FOXJ3: variants seen among roughly 807,000 people sequenced by gnomAD.
The protein encoded by FOXJ3 is forkhead box J3.
Under a neutral mutation model 76.1 loss-of-function variants are expected in FOXJ3, and 22 were observed. That is an observed-to-expected ratio of 0.29 (90% CI 0.21 to 0.41). The LOEUF is 0.41. Ranked by LOEUF, FOXJ3 falls within the 10% of genes least tolerant of loss-of-function variation. The pLI is 1.00. For synonymous variants in FOXJ3, 269 were observed against 261.2 expected (o/e 1.03, Z -0.29); for missense variants, 613 against 762.1 (o/e 0.80, Z 2.30).
At chr1:42,293,162 A>C (rs1348599335) in intron 2 of FOXJ3, among the ~76,000 whole-genome samples, 1 of 152,174 alleles carries the variant, frequency 6.6e-6, no homozygotes, top group Non-Finnish European at 1.5e-5. Context: ...CTCAGCTTGG[A>C]CATAAAAAGA....
intron 1 of FOXJ3, among the ~76,000 whole-genome samples, chr1:42,332,461 T>C (rs2124799995): frequency 6.6e-6 from 1 of 152,284 alleles, no homozygotes; most frequent in South Asian, 2.1e-4. Flanking sequence ...AGTAAGTAAA[T>C]GTTAGCTATT....
intron 6 of FOXJ3, among the ~76,000 whole-genome samples, 158 bp from the exon 7 acceptor site, chr1:42,199,388 G>A (rs1474274054): frequency 3.3e-5 from 5 of 152,192 alleles, no homozygotes; most frequent in East Asian, 3.9e-4. Flanking sequence ...GGCTAAGTTC[G>A]TGTTCATCAT....
At chr1:42,205,210 C>A (rs1419005478) in intron 6 of FOXJ3, among the ~76,000 whole-genome samples, 1 of 152,072 alleles carries the variant, frequency 6.6e-6, no homozygotes, top group Non-Finnish European at 1.5e-5. Flanking sequence ...CAGATATATA[C>A]CTGTATCCCA....
chr1:42,218,733 C>T (rs1401708797), intron 5 of FOXJ3, among the ~76,000 whole-genome samples: 1 of 152,154 alleles, frequency 6.6e-6, no homozygotes, highest in Non-Finnish European at 1.5e-5. Context: ...TTTCCACCTC[C>T]CTCAGAATAA....
chr1:42,227,535 C>T (rs1290789156), intron 5 of FOXJ3, among the ~76,000 whole-genome samples: 2 of 152,138 alleles, frequency 1.3e-5, no homozygotes, highest in Admixed American at 1.3e-4. Context: ...TCAATGCAAC[C>T]AAACTGATCC....
At chr1:42,247,763 A>G (rs946049998) in intron 4 of FOXJ3, among the ~76,000 whole-genome samples, 6 of 152,224 alleles carry the variant, frequency 3.9e-5, no homozygotes, top group African/African-American at 1.4e-4. Flanking sequence ...CTGAAAACAT[A>G]CACAAGAAAA....
At chr1:42,316,969 T>C (rs899557516) in intron 1 of FOXJ3, among the ~76,000 whole-genome samples, 1 of 152,124 alleles carries the variant, frequency 6.6e-6, no homozygotes, top group Admixed American at 6.5e-5. Flanking sequence ...AAATCACCAC[T>C]AAAGAACTTA....
Position 42,191,569 on chromosome 1 carries a change from C to T in FOXJ3, c.1085G>A (p.Ser362Asn), listed in dbSNP as rs1349691446. The T allele has an allele frequency of 2.5e-6, 4 of 1,614,022 alleles. No homozygotes were observed. In the South Asian group the frequency reaches 3.3e-5, roughly 13 times the overall value. Reference sequence around the variant, plus strand: ...CAGTGAGACCTGTGCAACCGAATTACTGCCTGTGGTGTTGAGGCCACTGCC... The same window carrying T: ...CAGTGAGACCTGTGCAACCGAATTATTGCCTGTGGTGTTGAGGCCACTGCC... ...SHGSGLNTTG[S>N]NSVAQVSLSH... Residue 362 changes from serine (S) to asparagine (N), a missense_variant, in exon 9 of 13, where the codon AGT becomes AAT. By Grantham distance (46) the Ser-to-Asn change is conservative (BLOSUM62 1). This residue lies in a region of FOXJ3 where 526 missense variants were observed against 601.4 expected (regional missense o/e 0.87). Transcript: ENST00000361346.
Position 42,277,351 on chromosome 1 carries a change from T to C in FOXJ3, c.369+997A>G, listed in dbSNP as rs555875941. Among the ~76,000 whole-genome samples, 7 of 104,388 alleles carry C rather than the reference T, an allele frequency of 6.7e-5. No individual in the cohort carries two copies. The South Asian group carries it at 1.9e-3, about 28-fold the overall frequency. The allele number at this position is 104,388 out of a possible 152,430, so 68.5% of individuals were successfully genotyped here. ...CGACCTTGGGTAACAGAGCAAGACCTTGTCTCTAATTAAAAAAAAAAAAAA... is the reference window on the plus strand; with the variant it reads ...CGACCTTGGGTAACAGAGCAAGACCCTGTCTCTAATTAAAAAAAAAAAAAA... On this transcript the variant is annotated intron_variant, in intron 3 of 12. Transcript: ENST00000361346.
intron 1 of FOXJ3, among the ~76,000 whole-genome samples, chr1:42,317,524 A>G (rs1312482987): frequency 6.6e-6 from 1 of 151,798 alleles, no homozygotes; most frequent in Non-Finnish European, 1.5e-5. Context: ...TAAAAAAAAA[A>G]AAAAAAAAAA....
At chr1:42,219,698 AC>A (rs1647141002) in intron 5 of FOXJ3, among the ~76,000 whole-genome samples, 1 of 152,332 alleles carries the variant, frequency 6.6e-6, no homozygotes, top group South Asian at 2.1e-4. Context: ...TAATCCTAGC[AC>A]TTTGAGAGGC....
At chr1:42,219,018 TATAAC>T (rs1281443917) in intron 5 of FOXJ3, among the ~76,000 whole-genome samples, 2 of 152,246 alleles carry the variant, frequency 1.3e-5, no homozygotes, top group East Asian at 1.9e-4. Flanking sequence ...TATTCTAAGT[TATAAC>T]ATACAACTTT....
chr1:42,274,663 A>G (rs1652122240), intron 3 of FOXJ3, among the ~76,000 whole-genome samples: 1 of 152,206 alleles, frequency 6.6e-6, no homozygotes, highest in Non-Finnish European at 1.5e-5. Flanking sequence ...GGCACTTAGT[A>G]TAGTGCCTGG....
At chr1:42,205,963 G>T in intron 5 of FOXJ3, 100 bp from the exon 6 acceptor site, 1 of 662,620 alleles carries the variant, frequency 1.5e-6, no homozygotes, top group Non-Finnish European at 2.6e-6. Context: ...ATCCAGTTTT[G>T]TGCTTTGTTT....
At chr1:42,181,886 C>T in intron 12 of FOXJ3, 31 bp downstream of exon 12, 2 of 1,416,714 alleles carry the variant, frequency 1.4e-6, no homozygotes, top group Non-Finnish European at 2.0e-6. Flanking sequence ...CACACACACA[C>T]ACACACACTC....
At chr1:42,322,520 G>A (rs544494855) in intron 1 of FOXJ3, among the ~76,000 whole-genome samples, 89 of 152,074 alleles carry the variant, frequency 5.9e-4, no homozygotes, top group African/African-American at 1.9e-3. Context: ...TGGGTAAAGG[G>A]GGATTCTTCA....
intron 4 of FOXJ3, among the ~76,000 whole-genome samples, chr1:42,250,632 C>T (rs916690946): frequency 6.6e-6 from 1 of 151,950 alleles, no homozygotes; most frequent in African/African-American, 2.4e-5. Flanking sequence ...GCCTGGCCAA[C>T]ATGGAGAAAC....
chr1:42,330,354 T>C (rs1301145201), intron 1 of FOXJ3, among the ~76,000 whole-genome samples: 1 of 152,206 alleles, frequency 6.6e-6, no homozygotes, highest in Non-Finnish European at 1.5e-5. Context: ...AGAAAATCAG[T>C]GGGCTGACTG....
intron 9 of FOXJ3, among the ~76,000 whole-genome samples, chr1:42,190,972 A>G (rs1043123752): frequency 6.6e-6 from 1 of 152,176 alleles, no homozygotes; most frequent in African/African-American, 2.4e-5. Flanking sequence ...AAATTACTTA[A>G]AATTCTTTTA....
Sources: gnomAD v4.1 joint callset for allele counts (sites outside exome capture counted in the v4.1 genomes callset) on GRCh38, gnomAD v4.1.1 for gene constraint, gnomAD v4.1.1 regional missense constraint, MANE v1.5 for transcripts, NCBI Gene and HGNC (gene_info 2026-07-23, HGNC 2026-07-21) for gene names.